VTI1A: variants seen among roughly 807,000 people sequenced by gnomAD.
VTI1A encodes vesicle transport through interaction with t-SNAREs homolog 1A.
A neutral mutation model predicts 34.9 loss-of-function variants in VTI1A; 22 were observed. The ratio of observed to expected loss-of-function variants is 0.63; its 90% CI spans 0.45 to 0.90. The LOEUF is 0.90. VTI1A is among the 40% of genes least tolerant of loss of function. VTI1A has a pLI of 0.00. For missense variants in VTI1A, 268 were observed against 275.6 expected (o/e 0.97, Z 0.20); for synonymous variants, 87 against 97.3 (o/e 0.89, Z 0.62).
At chr10:112,528,601 T>C (rs890515630) in intron 4 of VTI1A, among the ~76,000 whole-genome samples, 1 of 152,154 alleles carries the variant, frequency 6.6e-6, no homozygotes, top group Admixed American at 6.5e-5. Context: ...AAAAATATTT[T>C]CTTCTGTTTT....
chr10:112,709,182 C>T (rs1849311333), intron 7 of VTI1A, among the ~76,000 whole-genome samples: 4 of 152,230 alleles, frequency 2.6e-5, no homozygotes, highest in Admixed American at 2.0e-4. Context: ...TCATTTCAGT[C>T]ACCATTTCTC....
Position 112,815,760 on chromosome 10 carries a change from C to A in VTI1A, c.*377C>A. On this transcript the variant is annotated 3_prime_UTR_variant, in exon 8 of 8. Transcript: ENST00000393077. ...GTCACGAGAGCTTCTGTTTGTCACC[C>A]GCCTCTTGTTGCTGAAAAGCTCTTC... 1 of 273,130 alleles carries A rather than the reference C, an allele frequency of 3.7e-6. No homozygotes were observed. Among genetic ancestry groups the A allele is most frequent in the Non-Finnish European group, 7.0e-6 (1 of 142,506 alleles). 16.9% of individuals were successfully genotyped at this position (273,130 alleles called of 1,614,324 possible).
upstream of VTI1A, chr10:112,447,157 TCGGAG>T (rs1846856194): frequency 1.9e-6 from 1 of 529,786 alleles, no homozygotes; most frequent in South Asian, 2.6e-5. Flanking sequence ...TATCTTAAAG[TCGGAG>T]CGGAAAATAA....
intron 7 of VTI1A, among the ~76,000 whole-genome samples, chr10:112,712,442 G>A (rs1849452166): frequency 6.7e-6 from 1 of 148,498 alleles, no homozygotes; most frequent in African/African-American, 2.5e-5. Flanking sequence ...TGGTCTAAAT[G>A]ATATAATACA....
chr10:112,656,835 C>G (rs10885366), intron 5 of VTI1A, among the ~76,000 whole-genome samples: 1 of 151,854 alleles, frequency 6.6e-6, no homozygotes, highest in Non-Finnish European at 1.5e-5. Flanking sequence ...TTTAATCCTC[C>G]GAGTTGGAGG....
intron 7 of VTI1A, among the ~76,000 whole-genome samples, chr10:112,676,553 C>T (rs892089470): frequency 3.3e-5 from 5 of 152,174 alleles, no homozygotes; most frequent in Non-Finnish European, 5.9e-5. Flanking sequence ...TTAGTCTCAT[C>T]GCTAAGGTTT....
chr10:112,592,378 C>A (rs76443272), intron 5 of VTI1A, among the ~76,000 whole-genome samples: 1,843 of 152,294 alleles, frequency 0.012, 41 homozygotes, highest in African/African-American at 0.043. Context: ...GCCCTTCCCC[C>A]ACCATTGCTA....
At chr10:112,693,759 T>G (rs1848687098) in intron 7 of VTI1A, among the ~76,000 whole-genome samples, 7 of 152,124 alleles carry the variant, frequency 4.6e-5, no homozygotes, top group Admixed American at 3.9e-4. Context: ...TCTTTCTGAG[T>G]GCTGACTGAC....
intron 7 of VTI1A, among the ~76,000 whole-genome samples, chr10:112,695,395 A>G (rs55741488): frequency 0.012 from 1,855 of 152,152 alleles, 35 homozygotes; most frequent in African/African-American, 0.041. Flanking sequence ...AGGGTAAGGT[A>G]TAAAGATTAA....
At chr10:112,851,207 C>T in the VTI1A span, among the ~76,000 whole-genome samples, 7 of 152,224 alleles carry the variant, frequency 4.6e-5, no homozygotes, top group South Asian at 8.3e-4. Flanking sequence ...GAGCATTTGA[C>T]TGAATCATTT....
chr10:112,718,309 G>A (rs1849679704), intron 7 of VTI1A, among the ~76,000 whole-genome samples: 1 of 152,164 alleles, frequency 6.6e-6, no homozygotes, highest in African/African-American at 2.4e-5. Flanking sequence ...GGCATTTAGT[G>A]GAGTACTGAA....
At chr10:112,709,815 C>T (rs970555513) in intron 7 of VTI1A, among the ~76,000 whole-genome samples, 1 of 149,704 alleles carries the variant, frequency 6.7e-6, no homozygotes, top group African/African-American at 2.5e-5. Context: ...CTCGGCCTCC[C>T]AGGTAGGTGG....
intron 5 of VTI1A, among the ~76,000 whole-genome samples, chr10:112,597,693 CTTTT>C (rs1180451909): frequency 0.042 from 3,815 of 90,550 alleles, 53 homozygotes; most frequent in Non-Finnish European, 0.048. Context: ...GACCTTGTCT[CTTTT>C]TTTTTTTTTT....
intron 7 of VTI1A, among the ~76,000 whole-genome samples, chr10:112,692,086 A>G (rs1848634392): frequency 6.6e-6 from 1 of 152,200 alleles, no homozygotes; most frequent in South Asian, 2.1e-4. Context: ...GTGGCTTTTC[A>G]TTAGTCTTTT....
intron 3 of VTI1A, among the ~76,000 whole-genome samples, chr10:112,502,389 AT>A (rs1210699692): frequency 6.6e-6 from 1 of 152,070 alleles, no homozygotes; most frequent in Non-Finnish European, 1.5e-5. Context: ...TAAATTAGAT[AT>A]TCATATTTGC....
At chr10:112,637,683 G>A (rs1012006040) in intron 5 of VTI1A, among the ~76,000 whole-genome samples, 3 of 151,928 alleles carry the variant, frequency 2.0e-5, no homozygotes, top group Non-Finnish European at 4.4e-5. Flanking sequence ...CTGTATAAAA[G>A]ACTCTCTTTT....
intron 5 of VTI1A, among the ~76,000 whole-genome samples, chr10:112,584,731 C>T (rs566781452): frequency 6.6e-5 from 10 of 152,268 alleles, no homozygotes; most frequent in African/African-American, 2.4e-4. Flanking sequence ...TGCACCAACC[C>T]GTGGAGTATA....
intron 3 of VTI1A, among the ~76,000 whole-genome samples, chr10:112,515,720 C>T (rs148752519): frequency 2.3e-4 from 35 of 152,170 alleles, no homozygotes; most frequent in Non-Finnish European, 2.9e-4. Context: ...CTTCATTAGG[C>T]AGCCTCATTC....
chr10:112,740,798 T>C (rs1247070147), intron 7 of VTI1A, among the ~76,000 whole-genome samples: 1 of 152,242 alleles, frequency 6.6e-6, no homozygotes, highest in African/African-American at 2.4e-5. Flanking sequence ...GTTTACCCTA[T>C]GATCCAGCAT....
Sources: gnomAD v4.1 joint callset for allele counts (sites outside exome capture counted in the v4.1 genomes callset) on GRCh38, gnomAD v4.1.1 for gene constraint, MANE v1.5 for transcripts, NCBI Gene and HGNC (gene_info 2026-07-23, HGNC 2026-07-21) for gene names.